PRKCH: variants seen among roughly 807,000 people sequenced by gnomAD.
The protein encoded by PRKCH is protein kinase C eta.
In PRKCH, 28 loss-of-function variants were observed where a neutral mutation model predicts 82.5. That is an observed-to-expected ratio of 0.34 (90% CI 0.25 to 0.47). The LOEUF is 0.47. PRKCH is among the 20% of genes least tolerant of loss of function. The pLI is 1.00. For synonymous variants in PRKCH, 322 were observed against 327.4 expected (o/e 0.98, Z 0.18); for missense variants, 705 against 881.8 (o/e 0.80, Z 2.54).
chr14:61,432,432 T>A (rs767725723), intron 2 of PRKCH, among the ~76,000 whole-genome samples: 1 of 152,230 alleles, frequency 6.6e-6, no homozygotes, highest in Admixed American at 6.5e-5. Context: ...AGCGAAGGTA[T>A]TTGGTAGTGA....
intron 1 of PRKCH, among the ~76,000 whole-genome samples, chr14:61,198,815 A>G (rs1000640306): frequency 6.6e-6 from 1 of 152,220 alleles, no homozygotes; most frequent in Admixed American, 6.5e-5. Context: ...ATGTAAGGAA[A>G]CTAAGGAGGC....
intron 1 of PRKCH, chr14:61,303,205 T>C (rs1306057679): frequency 6.6e-6 from 1 of 152,050 alleles, no homozygotes; most frequent in Non-Finnish European, 1.5e-5. Context: ...TTTAAAATTT[T>C]TTTGTAGAGA....
chr14:61,230,132 A>G (rs7145344), intron 1 of PRKCH, among the ~76,000 whole-genome samples: 111,671 of 152,038 alleles, frequency 0.73, 44,081 homozygotes, highest in Non-Finnish European at 0.89. Context: ...AAGCAAGCCT[A>G]GAGTGCATTT....
At chr14:61,515,463 C>T (rs2042811251) in intron 10 of PRKCH, among the ~76,000 whole-genome samples, 1 of 152,170 alleles carries the variant, frequency 6.6e-6, no homozygotes, top group South Asian at 2.1e-4. Context: ...CTTAAACCAG[C>T]TTTTTGTCAT....
intron 1 of PRKCH, chr14:61,303,091 C>G (rs1267475642): frequency 6.7e-6 from 1 of 149,566 alleles, no homozygotes; most frequent in Admixed American, 6.8e-5. Flanking sequence ...GATCACAGCT[C>G]ATTGCAGCCT....
intron 1 of PRKCH, among the ~76,000 whole-genome samples, chr14:61,357,424 A>G (rs1357544433): frequency 6.6e-6 from 1 of 152,190 alleles, no homozygotes; most frequent in Non-Finnish European, 1.5e-5. Flanking sequence ...GGTTTTCTCC[A>G]GGGGTATCCC....
chr14:61,260,722 T>C (rs961546692), intron 1 of PRKCH, among the ~76,000 whole-genome samples: 4 of 152,230 alleles, frequency 2.6e-5, no homozygotes, highest in Non-Finnish European at 4.4e-5. Flanking sequence ...AGATGATTAT[T>C]GGGGAAAGAA....
intron 1 of PRKCH, among the ~76,000 whole-genome samples, chr14:61,332,337 T>C (rs2045800288): frequency 6.6e-6 from 1 of 152,222 alleles, no homozygotes; most frequent in Non-Finnish European, 1.5e-5. Flanking sequence ...TATCTGGAGA[T>C]ATTTATCAAG....
chr14:61,265,342 A>C (rs1156499468), intron 1 of PRKCH, among the ~76,000 whole-genome samples: 1 of 152,128 alleles, frequency 6.6e-6, no homozygotes, highest in Non-Finnish European at 1.5e-5. Context: ...TTAGCAGGGC[A>C]TGGAGGTGAG....
At chr14:61,195,936 T>A (rs537349775) in intron 1 of PRKCH, among the ~76,000 whole-genome samples, 1 of 152,202 alleles carries the variant, frequency 6.6e-6, no homozygotes, top group East Asian at 1.9e-4. Flanking sequence ...GCATATAAAT[T>A]TTGGGGGGCA....
rs1028489249 is a variant in PRKCH at position 61,512,163 on chromosome 14, G to A, written c.1434-16912G>A. Among the ~76,000 whole-genome samples the A allele has an allele frequency of 5.3e-5, 8 of 151,866 alleles. No individual in the cohort carries two copies. The South Asian group carries it at 1.7e-3, about 32-fold the overall frequency. On this transcript the variant is annotated intron_variant, in intron 10 of 13. Coordinates refer to ENST00000332981, the MANE Select transcript of PRKCH (RefSeq NM_006255.5). ...ACTCTACGTGAGCATAGGCTGTCTG[G>A]CTCTGGGGATCAGAAGCACTCAGGG...
intron 1 of PRKCH, among the ~76,000 whole-genome samples, chr14:61,251,436 A>C (rs1193188367): frequency 1.3e-5 from 2 of 152,184 alleles, no homozygotes; most frequent in Non-Finnish European, 2.9e-5. Context: ...TCCCACAAAT[A>C]AGTCAGATCA....
chr14:61,280,763 C>T lies in PRKCH; in HGVS notation c.-19+93095C>T. The T allele has an allele frequency of 1.3e-6, 2 of 1,558,038 alleles. No individual in the cohort carries two copies. The highest frequency in any genetic ancestry group is 1.7e-6 in the Non-Finnish European group (2 of 1,159,982). On this transcript the variant is annotated intron_variant, in intron 1 of 3. Transcript: ENST00000555185. This position sits in a 1 kb window ranked among gnomAD's most constrained non-coding sequence, Gnocchi z 5.0. ...GGGAGTCCGCTCAGCTGCGCGTCGT[C>T]GCGGGACACGCCGTAGCGCCGGTTG...
intron 1 of PRKCH, among the ~76,000 whole-genome samples, chr14:61,268,780 T>A (rs973121897): frequency 6.6e-6 from 1 of 152,318 alleles, no homozygotes; most frequent in Non-Finnish European, 1.5e-5. Flanking sequence ...ACTGTTCCAG[T>A]ACAAGCAATT....
rs878920722 is a variant in PRKCH at position 61,549,764 on chromosome 14, A to G, written c.1985A>G (p.His662Arg). ...EPVLTPIDEG[H>R]LPMINQDEFR... ...GTTTTAACTCCAATTGATGAGGGAC[A>G]TCTTCCAATGATTAACCAGGATGAG... is the stretch of plus-strand genomic sequence containing the variant. Residue 662 changes from histidine (H) to arginine (R), a missense_variant, in exon 14 of 14, where the codon CAT (histidine) becomes CGT (arginine). By Grantham distance (29) the His-to-Arg change is conservative (BLOSUM62 0). Around this residue, in one of 5 missense-constraint regions of PRKCH, gnomAD observed 91 missense variants for 81.2 expected, o/e 1.12. Coordinates refer to ENST00000332981, the MANE Select transcript of PRKCH (RefSeq NM_006255.5). 6.2e-7 allele frequency: 1 copy of G among 1,614,034 alleles called. No homozygotes were observed. The highest frequency in any genetic ancestry group is 8.5e-7 in the Non-Finnish European group (1 of 1,179,974).
At chr14:61,395,795 T>G (rs949045217) in intron 2 of PRKCH, among the ~76,000 whole-genome samples, 1 of 152,132 alleles carries the variant, frequency 6.6e-6, no homozygotes, top group African/African-American at 2.4e-5. Flanking sequence ...ACATTGACTT[T>G]ATGGCCAGGC....
At chr14:61,233,943 C>T (rs2044766184) in intron 1 of PRKCH, among the ~76,000 whole-genome samples, 1 of 152,128 alleles carries the variant, frequency 6.6e-6, no homozygotes, top group South Asian at 2.1e-4. Context: ...TATTCTTTTA[C>T]CCTCGGATAC....
intron 2 of PRKCH, among the ~76,000 whole-genome samples, chr14:61,394,167 A>G (rs528616703): frequency 1.3e-5 from 2 of 152,114 alleles, no homozygotes; most frequent in Non-Finnish European, 2.9e-5. Flanking sequence ...ATATGGGTGA[A>G]TTGTTTTAAT....
At chr14:61,359,570 A>G (rs750254498) in intron 1 of PRKCH, among the ~76,000 whole-genome samples, 1 of 152,196 alleles carries the variant, frequency 6.6e-6, no homozygotes. Flanking sequence ...ACTATTTTCC[A>G]TCGATCTGGA....
Sources: gnomAD v4.1 joint callset for allele counts (sites outside exome capture counted in the v4.1 genomes callset) on GRCh38, gnomAD v4.1.1 for gene constraint, gnomAD v4.1.1 regional missense constraint, Gnocchi (gnomAD v3.1) non-coding constraint, MANE v1.5 for transcripts, NCBI Gene and HGNC (gene_info 2026-07-23, HGNC 2026-07-21) for gene names.